TBC1D12: variants seen among roughly 807,000 people sequenced by gnomAD.
TBC1D12 encodes TBC1 domain family member 12.
TBC1D12 carries 56 observed loss-of-function variants against 86.7 expected under a neutral mutation model. The observed-to-expected ratio is 0.65, with a 90% CI of 0.52 to 0.81. TBC1D12 has a LOEUF of 0.81. TBC1D12 is among the 30% of genes least tolerant of loss of function. The probability of loss-of-function intolerance (pLI) is 0.00; values close to 1 mark genes in which losing one functional copy is unlikely to be tolerated. For missense variants in TBC1D12, 1,023 were observed against 1,038.8 expected, an observed-to-expected ratio of 0.98 and a Z score of 0.21; for synonymous variants, 421 against 411.7, an observed-to-expected ratio of 1.02 and a Z score of -0.27.
rs901246351 is a variant in TBC1D12 at position 94,522,089 on chromosome 10, A to C, written c.1890+6A>C. On this transcript the variant is annotated splice_donor_region_variant and intron_variant, in intron 10 of 12. Transcript: ENST00000225235. Reference sequence around the variant, plus strand: ...TTCGTGTGGATCACAGCATGGTATGAATGGATCATGTTTTCCATTGTTTCT... The same window carrying C: ...TTCGTGTGGATCACAGCATGGTATGCATGGATCATGTTTTCCATTGTTTCT... The C allele has an allele frequency of 4.4e-6, 7 of 1,608,534 alleles. No homozygotes were observed. Among genetic ancestry groups the C allele is most frequent in the South Asian group, 1.1e-5 (1 of 90,194 alleles).
chr10:94,445,368 A>G (rs2055446812), intron 2 of TBC1D12, among the ~76,000 whole-genome samples: 1 of 151,960 alleles, frequency 6.6e-6, no homozygotes, highest in African/African-American at 2.4e-5. Flanking sequence ...AAAAAACAGC[A>G]ACAACAGCAA....
intron 7 of TBC1D12, chr10:94,508,670 G>T (rs371801213): frequency 6.6e-6 from 1 of 151,440 alleles, no homozygotes; most frequent in Non-Finnish European, 1.5e-5. Flanking sequence ...TGTTCCTTCC[G>T]CCATCTTTTC....
At position 94,496,204 on chromosome 10, in the gene TBC1D12, C is replaced by A. The variant is rs150288834; in HGVS notation, c.1295-851C>A. Reference sequence around the variant, plus strand: ...AAAAAACAATTTGAAAACAGTTTGGCTAGCTGGTCTCTGACATCCTCACTG... The same window carrying A: ...AAAAAACAATTTGAAAACAGTTTGGATAGCTGGTCTCTGACATCCTCACTG... On this transcript the variant is annotated intron_variant, in intron 4 of 12. Coordinates refer to ENST00000225235, the MANE Select transcript of TBC1D12 (RefSeq NM_015188.2). Among the ~76,000 whole-genome samples the A allele has an allele frequency of 2.0e-5, 3 of 152,138 alleles. No homozygotes were observed. The East Asian group carries it at 5.8e-4, about 29-fold the overall frequency.
chr10:94,488,178 G>T (rs1274945172), intron 3 of TBC1D12, among the ~76,000 whole-genome samples: 1 of 151,858 alleles, frequency 6.6e-6, no homozygotes, highest in Non-Finnish European at 1.5e-5. Context: ...TTGAGGTCAG[G>T]AGTTCCAGGC....
At chr10:94,448,029 C>T (rs1446433134) in intron 2 of TBC1D12, among the ~76,000 whole-genome samples, 1 of 151,786 alleles carries the variant, frequency 6.6e-6, no homozygotes, top group African/African-American at 2.4e-5. Flanking sequence ...TTCATCAATA[C>T]ACATGCCATT....
chr10:94,431,866 G>A (rs1002406256), intron 1 of TBC1D12, among the ~76,000 whole-genome samples: 2 of 152,090 alleles, frequency 1.3e-5, no homozygotes, highest in Non-Finnish European at 2.9e-5. Flanking sequence ...GAATAAGGGG[G>A]CAGAGAGAAG....
chr10:94,418,715 T>TG (rs1435240093), intron 1 of TBC1D12, among the ~76,000 whole-genome samples: 18 of 128,836 alleles, frequency 1.4e-4, no homozygotes, highest in East Asian at 7.5e-4. Flanking sequence ...GGGATTACAG[T>TG]CACATGCCAC....
rs528488892 is a variant in TBC1D12 at position 94,502,533 on chromosome 10, C to T, written c.1519+2206C>T. Among the ~76,000 whole-genome samples, 24 of 151,812 alleles carry T rather than the reference C, an allele frequency of 1.6e-4. No individual in the cohort carries two copies. The South Asian group carries it at 3.6e-3, about 23-fold the overall frequency. ...CAGCCTGGGCAACATAGCGAGACCC[C>T]GTCTCTACAAAAAAAATCTCAAAAT... On this transcript the variant is annotated intron_variant, in intron 6 of 12. Transcript: ENST00000225235.
chr10:94,473,521 T>A (rs1236826932), intron 2 of TBC1D12, among the ~76,000 whole-genome samples: 2 of 152,212 alleles, frequency 1.3e-5, no homozygotes, highest in African/African-American at 4.8e-5. Flanking sequence ...CAGGCAATTG[T>A]AGTTAAGCAA....
intron 9 of TBC1D12, among the ~76,000 whole-genome samples, chr10:94,518,847 G>T (rs559808748): frequency 6.6e-6 from 1 of 152,310 alleles, no homozygotes; most frequent in South Asian, 2.1e-4. Flanking sequence ...GGTCAAGGCA[G>T]GCGGATCACC....
At chr10:94,431,247 T>G (rs950967613) in intron 1 of TBC1D12, among the ~76,000 whole-genome samples, 1 of 151,790 alleles carries the variant, frequency 6.6e-6, no homozygotes, top group Admixed American at 6.6e-5. Context: ...AAACCGTGTC[T>G]CTACTAAAAA....
chr10:94,522,231 C>A, intron 10 of TBC1D12, 113 bp from the exon 11 acceptor site: 1 of 1,192,126 alleles, frequency 8.4e-7, no homozygotes, highest in Non-Finnish European at 1.1e-6. Context: ...TGAGAAGACT[C>A]AGAAAAAGAT....
intron 9 of TBC1D12, among the ~76,000 whole-genome samples, chr10:94,514,934 G>A (rs1175589943): frequency 7.5e-6 from 1 of 133,642 alleles, no homozygotes; most frequent in African/African-American, 2.9e-5. Context: ...TTGAGACGGA[G>A]TCTCACTCTG....
At chr10:94,457,437 C>G (rs2055644835) in intron 2 of TBC1D12, among the ~76,000 whole-genome samples, 1 of 152,114 alleles carries the variant, frequency 6.6e-6, no homozygotes, top group South Asian at 2.1e-4. Flanking sequence ...ATTTTTGAGA[C>G]AGAATCTTGC....
At chr10:94,477,794 T>A (rs1181703831) in intron 3 of TBC1D12, among the ~76,000 whole-genome samples, 2 of 152,118 alleles carry the variant, frequency 1.3e-5, no homozygotes, top group African/African-American at 4.8e-5. Flanking sequence ...AGGCCCCAGA[T>A]TGATTCTGGT....
intron 1 of TBC1D12, among the ~76,000 whole-genome samples, chr10:94,407,280 G>C (rs1233378017): frequency 2.0e-5 from 3 of 152,166 alleles, no homozygotes; most frequent in Non-Finnish European, 2.9e-5. Flanking sequence ...TCCCTACTGG[G>C]GGCTTGCTTC....
intron 3 of TBC1D12, among the ~76,000 whole-genome samples, chr10:94,490,102 G>A (rs180954095): frequency 7.2e-4 from 109 of 152,158 alleles, no homozygotes; most frequent in Non-Finnish European, 1.5e-4. Flanking sequence ...ACCAAAAAAT[G>A]TAGCCAGGCA....
intron 1 of TBC1D12, among the ~76,000 whole-genome samples, chr10:94,429,968 G>A (rs1022761530): frequency 3.9e-5 from 6 of 152,152 alleles, no homozygotes; most frequent in Admixed American, 2.6e-4. Context: ...ACTCTTGGAC[G>A]CAAGATACCC....
At chr10:94,488,655 G>A (rs759218600) in intron 3 of TBC1D12, among the ~76,000 whole-genome samples, 2 of 151,738 alleles carry the variant, frequency 1.3e-5, no homozygotes, top group Non-Finnish European at 2.9e-5. Context: ...ACCTTCCAAA[G>A]TGCTGGGATT....
Sources: allele counts gnomAD v4.1 joint callset (sites outside exome capture counted in the v4.1 genomes callset), GRCh38; gene constraint gnomAD v4.1.1; transcripts MANE v1.5; gene names NCBI Gene and HGNC (gene_info 2026-07-23, HGNC 2026-07-21).